The following CSMD1 variants were observed in gnomAD, a reference collection of about 807,000 sequenced individuals.
The protein encoded by CSMD1 is CUB and sushi domain-containing protein 1.
In CSMD1, 213 loss-of-function variants were observed where a neutral mutation model predicts 417.5. The ratio of observed to expected loss-of-function variants is 0.51; its 90% CI spans 0.46 to 0.57. CSMD1 has a LOEUF of 0.57. Ranked by LOEUF, CSMD1 falls within the 20% of genes least tolerant of loss-of-function variation. The pLI is 0.00. For synonymous variants in CSMD1, 2,862 were observed against 1,736.8 expected (o/e 1.65, Z -16.11); for missense variants, 6,923 against 4,529.7 (o/e 1.53, Z -15.17).
intron 2 of CSMD1, among the ~76,000 whole-genome samples, chr8:4,441,282 TGG>T (rs1798464883): frequency 5.0e-5 from 7 of 138,944 alleles, no homozygotes; most frequent in Non-Finnish European, 7.9e-5. Flanking sequence ...TTTTTTTTTT[TGG>T]TGGGGGGAGT....
At chr8:3,501,210 T>C (rs982478626) in intron 10 of CSMD1, among the ~76,000 whole-genome samples, 38 of 152,204 alleles carry the variant, frequency 2.5e-4, no homozygotes, top group African/African-American at 8.7e-4. Context: ...CTGATCTCTA[T>C]GATCTTTGCC....
At chr8:3,909,082 G>C (rs775155513) in intron 5 of CSMD1, among the ~76,000 whole-genome samples, 7 of 152,156 alleles carry the variant, frequency 4.6e-5, no homozygotes, top group South Asian at 4.1e-4. Context: ...GAGAATTCTA[G>C]TGAACAAGTC....
intron 3 of CSMD1, among the ~76,000 whole-genome samples, chr8:4,181,847 G>A (rs542796212): frequency 1.3e-5 from 2 of 152,244 alleles, no homozygotes; most frequent in African/African-American, 2.4e-5. Context: ...CAAATAAAAT[G>A]ATAAATTCTC....
chr8:4,498,147 C>T (rs772473342), intron 2 of CSMD1, among the ~76,000 whole-genome samples: 1 of 152,098 alleles, frequency 6.6e-6, no homozygotes, highest in Non-Finnish European at 1.5e-5. Context: ...GTAACCTAAT[C>T]GGGGAGGGAC....
chr8:4,568,184 A>G (rs1189352100), intron 2 of CSMD1, among the ~76,000 whole-genome samples: 1 of 152,212 alleles, frequency 6.6e-6, no homozygotes, highest in African/African-American at 2.4e-5. Context: ...ACATGTGCAG[A>G]AAGTGCCAGT....
intron 7 of CSMD1, among the ~76,000 whole-genome samples, chr8:3,672,638 G>C (rs1321939130): frequency 6.6e-6 from 1 of 152,104 alleles, no homozygotes; most frequent in East Asian, 1.9e-4. Context: ...TTTTCATCCG[G>C]TCAGAGTATG....
intron 2 of CSMD1, among the ~76,000 whole-genome samples, chr8:4,508,705 T>A (rs1585180853): frequency 6.6e-6 from 1 of 152,136 alleles, no homozygotes; most frequent in Non-Finnish European, 1.5e-5. Flanking sequence ...TGGAACCATT[T>A]TTAGCTGCTT....
At chr8:4,420,531 A>C (rs1797189039) in intron 2 of CSMD1, among the ~76,000 whole-genome samples, 1 of 152,038 alleles carries the variant, frequency 6.6e-6, no homozygotes, top group South Asian at 2.1e-4. Context: ...CACTATTTTT[A>C]ATTTTTTTCT....
chr8:3,869,301 C>T (rs1404155718), intron 5 of CSMD1, among the ~76,000 whole-genome samples: 1 of 152,194 alleles, frequency 6.6e-6, no homozygotes, highest in Admixed American at 6.5e-5. Context: ...TCCTTCTCTG[C>T]TTCATTTCTC....
intron 1 of CSMD1, among the ~76,000 whole-genome samples, chr8:4,983,087 TACTC>T (rs1188293744): frequency 1.3e-5 from 2 of 152,204 alleles, no homozygotes; most frequent in African/African-American, 4.8e-5. Flanking sequence ...TCAGATAACT[TACTC>T]AGTATACAAA....
intron 5 of CSMD1, among the ~76,000 whole-genome samples, chr8:3,784,197 G>T (rs1418864570): frequency 1.3e-5 from 2 of 152,168 alleles, no homozygotes; most frequent in African/African-American, 4.8e-5. Context: ...TGGGAAAGGG[G>T]TGGGTACCCA....
At chr8:4,043,394 C>T (rs182204122) in intron 3 of CSMD1, among the ~76,000 whole-genome samples, 2 of 152,214 alleles carry the variant, frequency 1.3e-5, no homozygotes, top group East Asian at 1.9e-4. Flanking sequence ...CACCAATAAA[C>T]ATAGGAAGCG....
At chr8:3,389,321 T>C (rs966668937) in intron 17 of CSMD1, among the ~76,000 whole-genome samples, 6 of 152,244 alleles carry the variant, frequency 3.9e-5, no homozygotes, top group South Asian at 2.1e-4. Flanking sequence ...TATGTGTCCA[T>C]GTGTTTTCAT....
chr8:4,580,927 A>G (rs1799385728), intron 2 of CSMD1, among the ~76,000 whole-genome samples: 1 of 152,208 alleles, frequency 6.6e-6, no homozygotes, highest in South Asian at 2.1e-4. Flanking sequence ...AGTTCAATGC[A>G]CATTTTTACA....
chr8:4,256,068 A>G (rs968644890), intron 3 of CSMD1, among the ~76,000 whole-genome samples: 6 of 152,206 alleles, frequency 3.9e-5, no homozygotes, highest in Admixed American at 1.3e-4. Context: ...TATTTCCTGT[A>G]AGTTGTAGGC....
In CSMD1 at chr8:3,052,665, A is replaced by T; in HGVS notation, c.7475-18T>A. 6.5e-7 allele frequency: 1 copy of T among 1,548,050 alleles called. No individual in the cohort carries two copies. The highest frequency in any genetic ancestry group is 8.7e-7 in the Non-Finnish European group (1 of 1,144,590). ...GGACACAGCTGAAAAGAAATGAAAC[A>T]AATGTAGGCTTATTCTTACAGAAAT... On this transcript the variant is annotated intron_variant, in intron 49 of 69. Coordinates refer to ENST00000635120, the MANE Select transcript of CSMD1 (RefSeq NM_033225.6).
At chr8:4,592,980 C>A (rs2724980) in intron 2 of CSMD1, among the ~76,000 whole-genome samples, 80,871 of 151,990 alleles carry the variant, frequency 0.53, 22,680 homozygotes, top group African/African-American at 0.72. Context: ...TTTTCTCAGG[C>A]TTTCCTGTGA....
intron 4 of CSMD1, among the ~76,000 whole-genome samples, chr8:4,020,706 G>T (rs191676505): frequency 1.4e-4 from 21 of 152,274 alleles, no homozygotes; most frequent in Non-Finnish European, 2.8e-4. Context: ...CAGCGAATCC[G>T]CGTGTTCCTC....
chr8:4,660,017 C>G (rs190466904), intron 1 of CSMD1, among the ~76,000 whole-genome samples: 4 of 149,290 alleles, frequency 2.7e-5, no homozygotes, highest in Non-Finnish European at 4.4e-5. Flanking sequence ...TATAATTATA[C>G]TTAATAGTGA....
Sources: gnomAD v4.1 joint callset for allele counts (sites outside exome capture counted in the v4.1 genomes callset) on GRCh38, gnomAD v4.1.1 for gene constraint, MANE v1.5 for transcripts, NCBI Gene and HGNC (gene_info 2026-07-23, HGNC 2026-07-21) for gene names.